The following SCNN1G variants were observed in gnomAD, a reference collection of about 807,000 sequenced individuals.
SCNN1G encodes epithelial sodium channel subunit gamma.
In SCNN1G, 27 loss-of-function variants were observed where a neutral mutation model predicts 64.6. That is an observed-to-expected ratio of 0.42 (90% confidence interval 0.31 to 0.58). The LOEUF (loss-of-function observed/expected upper bound fraction) is 0.58, where lower values mean the gene tolerates loss of function less well. SCNN1G is among the 20% of genes least tolerant of loss of function. The pLI, the probability that SCNN1G is intolerant of heterozygous loss-of-function variation, is 0.18. For synonymous variants in SCNN1G, 330 were observed against 314.2 expected, an observed-to-expected ratio of 1.05 and a Z score of -0.53; for missense variants, 743 against 823.4, an observed-to-expected ratio of 0.90 and a Z score of 1.19.
chr16:23,204,316 T>TATATATATAC (rs1959947693), intron 6 of SCNN1G, among the ~76,000 whole-genome samples: 1 of 82,700 alleles, frequency 1.2e-5, no homozygotes, highest in Non-Finnish European at 2.4e-5. Flanking sequence ...TATATATATA[T>TATATATATAC]ATATATATAT....
intron 1 of SCNN1G, among the ~76,000 whole-genome samples, chr16:23,184,783 G>T (rs1959579025): frequency 6.6e-6 from 1 of 152,146 alleles, no homozygotes; most frequent in Non-Finnish European, 1.5e-5. Context: ...TCCGAATACT[G>T]CCTAAAAATC....
intron 6 of SCNN1G, among the ~76,000 whole-genome samples, chr16:23,208,316 C>T (rs1960023722): frequency 6.6e-6 from 1 of 151,886 alleles, no homozygotes; most frequent in African/African-American, 2.4e-5. Flanking sequence ...CACTGCACTC[C>T]ACCCTGGGTG....
rs556938025 is a variant in SCNN1G, at chr16:23,208,081, A to T, written c.1078-1669A>T. Among the ~76,000 whole-genome samples the T allele has an allele frequency of 3.5e-4, 53 of 152,366 alleles. 1 individual carries two copies. In the Middle Eastern group the frequency reaches 0.01, roughly 29 times the overall value. On this transcript the variant is annotated intron_variant, in intron 6 of 12. Coordinates refer to ENST00000300061, the MANE Select transcript of SCNN1G (RefSeq NM_001039.4). ...TATCTTCCATTGAGTTGCTGACCTT[A>T]GAAGATGTTATCCTCCCACCCCCAT...
chr16:23,204,159 G>A (rs1185275858), intron 6 of SCNN1G, among the ~76,000 whole-genome samples: 2 of 150,636 alleles, frequency 1.3e-5, no homozygotes, highest in East Asian at 3.9e-4. Flanking sequence ...CACACCTGTA[G>A]TCCCAGCTAC....
At position 23,189,234 on chromosome 16, in the gene SCNN1G, C is replaced by T. The variant is rs1178840998; in HGVS notation, c.318-137C>T. On this transcript the variant is annotated intron_variant, in intron 2 of 12. Coordinates refer to ENST00000300061, the MANE Select transcript of SCNN1G (RefSeq NM_001039.4). ...TTTGGATGGGTCAAGTCATGAAAGG[C>T]GTGGTCTCCTCTGCCAAGGAGTTGG... 6.9e-6 allele frequency: 6 copies of T among 868,628 alleles called. No homozygotes were observed. In the East Asian group the frequency reaches 1.0e-4, roughly 15 times the overall value. 53.8% of individuals were successfully genotyped at this position (868,628 alleles called of 1,614,324 possible). A position where few individuals can be genotyped will look rare whatever the true frequency, so the allele number is the denominator to read the frequency against.
intron 6 of SCNN1G, among the ~76,000 whole-genome samples, chr16:23,204,475 T>C (rs1567267244): frequency 6.8e-6 from 1 of 146,334 alleles, no homozygotes; most frequent in African/African-American, 2.5e-5. Context: ...ATTGTCTTTT[T>C]TGACACCTCT....
intron 2 of SCNN1G, among the ~76,000 whole-genome samples, chr16:23,187,394 C>A (rs1031595430): frequency 6.6e-6 from 1 of 152,122 alleles, no homozygotes; most frequent in African/African-American, 2.4e-5. Context: ...CAGGAGTGAA[C>A]CACCACACCC....
chr16:23,196,930 C>T (rs979865250), intron 5 of SCNN1G, among the ~76,000 whole-genome samples: 5 of 152,164 alleles, frequency 3.3e-5, no homozygotes, highest in African/African-American at 1.2e-4. Flanking sequence ...TTGAATGTTC[C>T]GAGCTCCCCA....
In SCNN1G at chr16:23,215,530, G is replaced by A. The variant is rs535628941; in HGVS notation, c.*61G>A. On this transcript the variant is annotated 3_prime_UTR_variant, in exon 13 of 13. Transcript: ENST00000300061. Reference sequence around the variant, plus strand: ...CAGCCATGGTCTAAGGACATGGATCGGGTGCCCCCAGACGTGTGCACAGGG... The same window carrying A: ...CAGCCATGGTCTAAGGACATGGATCAGGTGCCCCCAGACGTGTGCACAGGG... The A allele has an allele frequency of 7.9e-5, 126 of 1,591,038 alleles. No individual in the cohort carries two copies. Among genetic ancestry groups the A allele is most frequent in the Non-Finnish European group, 1.0e-4 (117 of 1,171,884 alleles).
At chr16:23,209,237 C>T (rs1202202973) in intron 6 of SCNN1G, among the ~76,000 whole-genome samples, 2 of 152,278 alleles carry the variant, frequency 1.3e-5, no homozygotes, top group African/African-American at 4.8e-5. Flanking sequence ...AAGTGATCCC[C>T]CCATCTCAGC....
chr16:23,183,213 A>G (rs891798625), intron 1 of SCNN1G, among the ~76,000 whole-genome samples: 1 of 152,164 alleles, frequency 6.6e-6, no homozygotes, highest in African/African-American at 2.4e-5. Context: ...AAAGAAGCAA[A>G]CACTTGAAGT....
At chr16:23,191,873 G>A (rs1959714238) in intron 3 of SCNN1G, among the ~76,000 whole-genome samples, 1 of 152,166 alleles carries the variant, frequency 6.6e-6, no homozygotes. Context: ...TGGGAAGGAT[G>A]GTGTTTCAGT....
chr16:23,201,809 A>T (rs1000043233), intron 6 of SCNN1G, among the ~76,000 whole-genome samples: 4 of 152,082 alleles, frequency 2.6e-5, no homozygotes, highest in Non-Finnish European at 5.9e-5. Context: ...GGGGAAGACA[A>T]AAGTTTGTTT....
At chr16:23,188,728 C>A (rs1959654905) in intron 2 of SCNN1G, among the ~76,000 whole-genome samples, 3 of 152,102 alleles carry the variant, frequency 2.0e-5, no homozygotes. Flanking sequence ...CCAGGGGTTT[C>A]TATTCTCAAT....
chr16:23,184,599 T>C (rs770696411), intron 1 of SCNN1G, among the ~76,000 whole-genome samples: 1 of 152,100 alleles, frequency 6.6e-6, no homozygotes, highest in Admixed American at 6.6e-5. Context: ...TTTAGAGCAG[T>C]TTGTCTGCTC....
chr16:23,203,935 T>C (rs542777488), intron 6 of SCNN1G, among the ~76,000 whole-genome samples: 17 of 151,968 alleles, frequency 1.1e-4, no homozygotes, highest in African/African-American at 3.9e-4. Context: ...AATGAGTTGG[T>C]GCATGTGAAA....
Position 23,192,499 on chromosome 16 carries a change from C to A in SCNN1G, c.766C>A (p.Leu256Met). 1 of 1,612,854 alleles carries A rather than the reference C, an allele frequency of 6.2e-7. No individual in the cohort carries two copies. Among genetic ancestry groups the A allele is most frequent in the East Asian group, 2.2e-5 (1 of 44,862 alleles). ...KINMSYSAEELLVTCFFDGVS... is the reference protein window; with the variant it reads ...KINMSYSAEEMLVTCFFDGVS... ...CAACATGAGCTATTCTGCTGAGGAG[C>A]TGCTGGTGACCTGCTTCTTTGATGG... Residue 256 changes from leucine to methionine, a missense_variant, in exon 4 of 13, where the codon CTG becomes ATG. Transcript: ENST00000300061.
At chr16:23,205,161 G>A (rs576526189) in intron 6 of SCNN1G, among the ~76,000 whole-genome samples, 1 of 152,278 alleles carries the variant, frequency 6.6e-6, no homozygotes, top group South Asian at 2.1e-4. Flanking sequence ...AGGTAGCACA[G>A]TGGGAATCTG....
intron 2 of SCNN1G, 151 bp downstream of exon 2, chr16:23,186,739 T>C (rs2141927548): frequency 2.8e-6 from 2 of 712,094 alleles, no homozygotes. Context: ...CTAACGCTGG[T>C]AAACAGCCCC....
Sources: gnomAD v4.1 joint callset for allele counts (sites outside exome capture counted in the v4.1 genomes callset) on GRCh38, gnomAD v4.1.1 for gene constraint, MANE v1.5 for transcripts, NCBI Gene and HGNC (gene_info 2026-07-23, HGNC 2026-07-21) for gene names.